ADGRA2: variants seen among roughly 807,000 people sequenced by gnomAD.
The protein encoded by ADGRA2 is G-protein coupled receptor 124.
Under a neutral mutation model 98.7 loss-of-function variants are expected in ADGRA2, and 61 were observed. That is an observed-to-expected ratio of 0.62 (90% CI 0.50 to 0.76). ADGRA2 has a LOEUF of 0.76. Ranked by LOEUF, ADGRA2 falls within the 30% of genes least tolerant of loss-of-function variation. The pLI is 0.00. For synonymous variants in ADGRA2, 858 were observed against 831.5 expected, an observed-to-expected ratio of 1.03 and a Z score of -0.55; for missense variants, 1,712 against 1,860.0, an observed-to-expected ratio of 0.92 and a Z score of 1.46.
Position 37,842,420 on chromosome 8 carries a change from T to C in ADGRA2, c.*65T>C, listed in dbSNP as rs1053290267. 44 of 1,407,110 alleles carry C rather than the reference T, an allele frequency of 3.1e-5. No homozygotes were observed. The highest frequency in any genetic ancestry group is 4.1e-5 in the Non-Finnish European group (44 of 1,081,194). The allele number at this position is 1,407,110 out of a possible 1,614,324, so 87.2% of individuals were successfully genotyped here. A position where few individuals can be genotyped will look rare whatever the true frequency, so the allele number is the denominator to read the frequency against. On this transcript the variant is annotated 3_prime_UTR_variant, in exon 19 of 19. Coordinates refer to ENST00000412232, the MANE Select transcript of ADGRA2 (RefSeq NM_032777.10). Reference sequence around the variant, plus strand: ...CTCGTTCCCCCGCTCCTCGGGGCCCTCCAAGGTGTCTCCGTAGTCAGCAGG... The same window carrying C: ...CTCGTTCCCCCGCTCCTCGGGGCCCCCCAAGGTGTCTCCGTAGTCAGCAGG...
chr8:37,834,102 AGCCCCCAT>A lies in ADGRA2; in HGVS notation c.1587_1594del (p.His530AlafsTer51), dbSNP rs766006288. 1.1e-5 allele frequency: 18 copies of A among 1,612,008 alleles called. No individual in the cohort carries two copies. The stretch of plus-strand genomic sequence containing the variant: ...GGAGCGCATTGGGGGGGCCGCCCTC[AGCCCCCAT>A]GCCCAGCACATCTCAGTGGTAATGG... On this transcript the variant is annotated frameshift_variant, in exon 11 of 19. Coordinates refer to ENST00000412232, the MANE Select transcript of ADGRA2 (RefSeq NM_032777.10). LOFTEE classifies it high-confidence loss of function. This position sits in a 1 kb window ranked among gnomAD's most constrained non-coding sequence, Gnocchi z 4.2.
rs1361876213 is a variant in ADGRA2, at chr8:37,814,277, C to A, written c.267-619C>A. Among the ~76,000 whole-genome samples, 1 of 152,184 alleles carries A rather than the reference C, an allele frequency of 6.6e-6. No homozygotes were observed. The highest frequency in any genetic ancestry group is 1.5e-5 in the Non-Finnish European group (1 of 68,028). ...CGAGGCGCAGAGGCTGAGGCTGAGG[C>A]CTGGCTTCCCCTACACTCGGGGCTC... On this transcript the variant is annotated intron_variant, in intron 1 of 18. Coordinates refer to ENST00000412232, the MANE Select transcript of ADGRA2 (RefSeq NM_032777.10). The surrounding 1 kb of genome is among the most constrained non-coding windows in gnomAD (Gnocchi z 4.3).
rs746972164 is a variant in ADGRA2 at position 37,835,303 on chromosome 8, C to T, written c.1738C>T (p.Pro580Ser). ...ACGGCCAGGAAGCCCTGGCCAGAAC[C>T]CCCCACCTGAGCCCGAGCCCCCAGC... ...GTRPGSPGQN[P>S]PPEPEPPADQ... Residue 580 changes from proline to serine, a missense_variant, in exon 12 of 19, where the codon CCC (proline) becomes TCC (serine). Physicochemically the swap from Pro to Ser is moderately conservative, Grantham distance 74. Coordinates refer to ENST00000412232, the MANE Select transcript of ADGRA2 (RefSeq NM_032777.10). 1 of 1,613,704 alleles carries T rather than the reference C, an allele frequency of 6.2e-7. No individual in the cohort carries two copies. Among genetic ancestry groups the T allele is most frequent in the Middle Eastern group, 1.7e-4 (1 of 6,048 alleles).
At chr8:37,832,375 C>T (rs1035585077) in intron 8 of ADGRA2, among the ~76,000 whole-genome samples, 1 of 152,106 alleles carries the variant, frequency 6.6e-6, no homozygotes, top group Non-Finnish European at 1.5e-5. Flanking sequence ...CTTGCTCTTT[C>T]ATCCAGGCTC....
chr8:37,835,893 T>C, intron 13 of ADGRA2, 123 bp downstream of exon 13: 1 of 662,836 alleles, frequency 1.5e-6, no homozygotes, highest in South Asian at 1.7e-5. Flanking sequence ...CACAGGATGT[T>C]GGGTCTCTCA....
In ADGRA2 at chr8:37,835,571, C is replaced by G. The variant is rs374437693; in HGVS notation, c.1851C>G (p.Ala617=). 1.2e-6 allele frequency: 2 copies of G among 1,612,744 alleles called. No individual in the cohort carries two copies. Among genetic ancestry groups the G allele is most frequent in the African/African-American group, 1.3e-5 (1 of 75,016 alleles). Residue 617 remains alanine, a synonymous_variant, in exon 13 of 19, where the codon GCC becomes GCG. Coordinates refer to ENST00000412232, the MANE Select transcript of ADGRA2 (RefSeq NM_032777.10). The stretch of plus-strand genomic sequence containing the variant: ...CCCCCCAGAACAGCGTGGCCCTGGC[C>G]TCCATCCAGCTGCCCCCGAGTCTAT... ...SFHIKNSVAL[A]SIQLPPSLFS...
intron 8 of ADGRA2, 71 bp downstream of exon 8, chr8:37,831,658 GGC>G: frequency 1.4e-6 from 2 of 1,415,232 alleles, no homozygotes; most frequent in South Asian, 1.2e-5. Flanking sequence ...CATCACAGGT[GGC>G]CAGAGTTTCC....
chr8:37,804,151 A>ACATG lies in ADGRA2; in HGVS notation c.266+6618_266+6619insATGC, dbSNP rs1554522482. Among the ~76,000 whole-genome samples, 14 of 148,600 alleles carry ACATG rather than the reference A, an allele frequency of 9.4e-5. No homozygotes were observed. The East Asian group carries it at 2.8e-3, about 29-fold the overall frequency. Reference sequence around the variant, plus strand: ...CACACACACACACACACACACACACACGGCTCTTAGCCAGGCAGCTCTAAC... The same window carrying ACATG: ...CACACACACACACACACACACACACACATGCGGCTCTTAGCCAGGCAGCTCTAAC... On this transcript the variant is annotated intron_variant, in intron 1 of 18. Coordinates refer to ENST00000412232, the MANE Select transcript of ADGRA2 (RefSeq NM_032777.10).
intron 8 of ADGRA2, 94 bp from the exon 9 acceptor site, chr8:37,832,916 C>T: frequency 2.1e-6 from 2 of 939,308 alleles, no homozygotes; most frequent in Non-Finnish European, 3.3e-6. Context: ...TCCCCAAGGC[C>T]CCAAGGAGTC....
chr8:37,839,030 C>T lies in ADGRA2; in HGVS notation c.2334C>T (p.Ala778=). ...GLHPVVYPCT[A]LLLLCLFATI... ...ACCCCGTGGTATACCCCTGCACGGCCTTGCTGCTGCTCTGCCTCTTCGCCA... is the reference window on the plus strand; with the variant it reads ...ACCCCGTGGTATACCCCTGCACGGCTTTGCTGCTGCTCTGCCTCTTCGCCA... Residue 778 remains alanine, a synonymous_variant, in exon 15 of 19, where the codon GCC becomes GCT. Coordinates refer to ENST00000412232, the MANE Select transcript of ADGRA2 (RefSeq NM_032777.10). 1.9e-6 allele frequency: 3 copies of T among 1,607,630 alleles called. No individual in the cohort carries two copies. Among genetic ancestry groups the T allele is most frequent in the Non-Finnish European group, 2.5e-6 (3 of 1,176,714 alleles).
chr8:37,842,613 A>C lies in ADGRA2; in HGVS notation c.*258A>C. ...GTCGGTGCCCTCCCAGGAACGGGGA[A>C]GGCCTCCGTCTGTGTGAAAGGGCAC... On this transcript the variant is annotated 3_prime_UTR_variant, in exon 19 of 19. Coordinates refer to ENST00000412232, the MANE Select transcript of ADGRA2 (RefSeq NM_032777.10). 2.1e-6 allele frequency: 1 copy of C among 480,620 alleles called. No individual in the cohort carries two copies. Among genetic ancestry groups the C allele is most frequent in the Non-Finnish European group, 3.4e-6 (1 of 296,792 alleles). 29.8% of individuals were successfully genotyped at this position (480,620 alleles called of 1,614,324 possible).
intron 1 of ADGRA2, among the ~76,000 whole-genome samples, chr8:37,810,248 C>T (rs1198468062): frequency 3.3e-5 from 5 of 151,862 alleles, no homozygotes; most frequent in Non-Finnish European, 7.4e-5. Context: ...AGGTGGCTCA[C>T]GCCTGTAATC....
chr8:37,808,777 T>G (rs1488883327), intron 1 of ADGRA2, among the ~76,000 whole-genome samples: 1 of 152,130 alleles, frequency 6.6e-6, no homozygotes, highest in Non-Finnish European at 1.5e-5. Context: ...CATAGTGAGA[T>G]CCTCACCTCT....
chr8:37,827,825 T>TA (rs113049420), intron 2 of ADGRA2, among the ~76,000 whole-genome samples: 8,182 of 150,492 alleles, frequency 0.054, 739 homozygotes, highest in African/African-American at 0.19. Context: ...GGCACAGGGA[T>TA]AAAACAGCCA....
chr8:37,838,011 C>A, intron 14 of ADGRA2, 72 bp downstream of exon 14: 1 of 1,219,260 alleles, frequency 8.2e-7, no homozygotes, highest in Non-Finnish European at 1.1e-6. Context: ...GGTGGGTGTA[C>A]TCTGACCATT....
At chr8:37,827,859 C>A (rs188911143) in intron 2 of ADGRA2, among the ~76,000 whole-genome samples, 1 of 152,182 alleles carries the variant, frequency 6.6e-6, no homozygotes, top group African/African-American at 2.4e-5. Flanking sequence ...CTTGGCCAAG[C>A]GCGGTGGCTC....
At position 37,835,743 on chromosome 8, in the gene ADGRA2, G is replaced by A. The variant is rs565289543; in HGVS notation, c.2023G>A (p.Ala675Thr). The part of the protein sequence containing the change: ...AAGPGKRRGV[A>T]TPVIFAGTSG... ...TGGGCCTGGCAAGAGGCGTGGCGTG[G>A]CCACCCCCGTCATCTTCGCAGGAAC... The change falls in exon 13 of 19, where the codon GCC becomes ACC. Residue 675 changes from alanine to threonine, a missense_variant. Ala to Thr is a moderately conservative substitution (Grantham distance 58). Coordinates refer to ENST00000412232, the MANE Select transcript of ADGRA2 (RefSeq NM_032777.10). 8.7e-6 allele frequency: 14 copies of A among 1,613,102 alleles called. No individual in the cohort carries two copies. The East Asian group carries it at 2.9e-4, about 33-fold the overall frequency.
rs770720790 is a variant in ADGRA2 at position 37,804,270 on chromosome 8, A to G, written c.266+6736A>G. Among the ~76,000 whole-genome samples, 124 of 152,178 alleles carry G rather than the reference A, an allele frequency of 8.1e-4. 1 individual carries two copies. Among genetic ancestry groups the G allele is most frequent in the Admixed American group, 4.6e-4 (7 of 15,280 alleles). On this transcript the variant is annotated intron_variant, in intron 1 of 18. Coordinates refer to ENST00000412232, the MANE Select transcript of ADGRA2 (RefSeq NM_032777.10). ...AGCCACCAAGGGCAGCCACATCTCC[A>G]GGAGAAAGGAAGAGGAAGCAAGACA...
chr8:37,829,389 C>A (rs1486023275), intron 4 of ADGRA2, 57 bp downstream of exon 4: 2 of 1,553,310 alleles, frequency 1.3e-6, no homozygotes, highest in East Asian at 2.2e-5. Context: ...GCATAGGAAG[C>A]AAAATGTGGC....
Sources: gnomAD v4.1 joint callset for allele counts (sites outside exome capture counted in the v4.1 genomes callset) on GRCh38, gnomAD v4.1.1 for gene constraint, Gnocchi (gnomAD v3.1) non-coding constraint, MANE v1.5 for transcripts, NCBI Gene and HGNC (gene_info 2026-07-23, HGNC 2026-07-21) for gene names.